Variants in FBN2 observed in about 807,000 individuals in gnomAD.
The protein encoded by FBN2 is fibrillin 2.
In FBN2, 105 loss-of-function variants were observed where a neutral mutation model predicts 355.6. That is an observed-to-expected ratio of 0.30 (90% CI 0.25 to 0.35). The LOEUF is 0.35. Among genes scored for constraint, FBN2 ranks in the 10% least tolerant of loss-of-function variants. The probability of loss-of-function intolerance (pLI) is 1.00; values close to 1 mark genes in which losing one functional copy is unlikely to be tolerated. For synonymous variants in FBN2, 1,350 were observed against 1,301.2 expected (o/e 1.04, Z -0.81); for missense variants, 3,280 against 3,758.7 (o/e 0.87, Z 3.33).
chr5:128,442,324 A>T (rs1331247120), intron 7 of FBN2: 1 of 456,556 alleles, frequency 2.2e-6, no homozygotes, highest in Non-Finnish European at 4.4e-6. Context: ...TCTGGAAGGG[A>T]GGATCACGCA....
At chr5:128,319,053 T>C (rs758946615) in intron 34 of FBN2, 52 bp from the exon 35 acceptor site, 25 of 1,421,652 alleles carry the variant, frequency 1.8e-5, no homozygotes, top group Non-Finnish European at 1.2e-5. Context: ...ATTTTAAAAT[T>C]TTAATGTAAT....
chr5:128,529,053 C>G (rs1350862019), intron 3 of FBN2, among the ~76,000 whole-genome samples: 1 of 152,222 alleles, frequency 6.6e-6, no homozygotes, highest in African/African-American at 2.4e-5. Context: ...CTGTGTGGTT[C>G]AAGTAGCCTG....
chr5:128,491,776 T>C (rs888472132), intron 5 of FBN2, among the ~76,000 whole-genome samples: 1 of 152,240 alleles, frequency 6.6e-6, no homozygotes, highest in Non-Finnish European at 1.5e-5. Flanking sequence ...TAAAATTGAA[T>C]GGCCAATCTT....
intron 5 of FBN2, among the ~76,000 whole-genome samples, chr5:128,473,846 G>A (rs1754940134): frequency 6.6e-6 from 1 of 152,188 alleles, no homozygotes. Context: ...TTTCGTTTCT[G>A]CAAATAAATG....
intron 17 of FBN2, among the ~76,000 whole-genome samples, chr5:128,365,787 T>A (rs1415973414): frequency 6.6e-6 from 1 of 151,336 alleles, no homozygotes; most frequent in African/African-American, 2.4e-5. Context: ...TATAAAAGAA[T>A]CTGAAAATTA....
chr5:128,397,312 A>T (rs1000573969), intron 8 of FBN2, among the ~76,000 whole-genome samples: 6 of 152,230 alleles, frequency 3.9e-5, no homozygotes, highest in African/African-American at 1.2e-4. Flanking sequence ...AAATTAAAAT[A>T]AGAAAGTTCC....
At chr5:128,333,854 C>CACACAT (rs1480410027) in intron 31 of FBN2, among the ~76,000 whole-genome samples, 2 of 119,108 alleles carry the variant, frequency 1.7e-5, no homozygotes, top group Non-Finnish European at 3.5e-5. Context: ...CACACACACA[C>CACACAT]ACACACACAC....
chr5:128,362,222 G>A (rs1205129382), intron 18 of FBN2, among the ~76,000 whole-genome samples: 1 of 152,118 alleles, frequency 6.6e-6, no homozygotes, highest in Non-Finnish European at 1.5e-5. Flanking sequence ...TATAATAAAA[G>A]TAACAGAAGG....
At chr5:128,344,061 T>A (rs112691940) in intron 25 of FBN2, among the ~76,000 whole-genome samples, 23 of 152,128 alleles carry the variant, frequency 1.5e-4, no homozygotes, top group African/African-American at 5.5e-4. Flanking sequence ...TGAGACCCCA[T>A]CTCTTAAAAT....
intron 62 of FBN2, among the ~76,000 whole-genome samples, chr5:128,266,267 G>A (rs1765111857): frequency 6.6e-6 from 1 of 152,158 alleles, no homozygotes; most frequent in Non-Finnish European, 1.5e-5. Flanking sequence ...TCGTACCCAG[G>A]CACCTGCTGC....
chr5:128,278,779 T>G lies in FBN2; in HGVS notation c.7201A>C (p.Ser2401Arg), dbSNP rs777558947. The change falls in exon 57 of 65, where the codon AGT (serine) becomes CGT (arginine). Residue 2401 changes from serine to arginine, a missense_variant. By Grantham distance (110) the Ser-to-Arg change is moderately radical (BLOSUM62 -1). Transcript: ENST00000262464. ...TCTGACTTAGTGACGAGATTGCGACTACTGGATGCCATTTGACATATTGTC... is the reference window on the plus strand; with the variant it reads ...TCTGACTTAGTGACGAGATTGCGACGACTGGATGCCATTTGACATATTGTC... ...LQTICQMASSSRNLVTKSECC... is the reference protein window; with the variant it reads ...LQTICQMASSRRNLVTKSECC... 9 of 1,614,026 alleles carry G rather than the reference T, an allele frequency of 5.6e-6. No individual in the cohort carries two copies. The highest frequency in any genetic ancestry group is 7.6e-6 in the Non-Finnish European group (9 of 1,180,026).
At position 128,474,942 on chromosome 5, in the gene FBN2, G is replaced by A. The variant is rs1455505887; in HGVS notation, c.629-10021C>T. ...CATTAGACCGTAGGACATTCTAAGA[G>A]GACACAGGTAGCATCTATCAATAAA... is the stretch of plus-strand genomic sequence containing the variant. On this transcript the variant is annotated intron_variant, in intron 5 of 64. Transcript: ENST00000262464. 3.3e-5 allele frequency among the ~76,000 whole-genome samples: 5 copies of A among 152,174 alleles called. No individual in the cohort carries two copies. The East Asian group carries it at 5.8e-4, about 18-fold the overall frequency.
At chr5:128,492,735 A>G (rs56049336) in intron 5 of FBN2, among the ~76,000 whole-genome samples, 48,900 of 145,860 alleles carry the variant, frequency 0.34, 12,842 homozygotes, top group African/African-American at 0.74. Context: ...CCTGGGAGGC[A>G]GAGGCTGTGG....
At chr5:128,358,260 T>C (rs527504541) in intron 19 of FBN2, among the ~76,000 whole-genome samples, 239 of 152,236 alleles carry the variant, frequency 1.6e-3, no homozygotes, top group Middle Eastern at 6.8e-3. Context: ...ATTTTCAGTA[T>C]AAATTCAACC....
intron 7 of FBN2, among the ~76,000 whole-genome samples, chr5:128,443,024 G>A (rs963324646): frequency 1.2e-4 from 19 of 152,038 alleles, no homozygotes; most frequent in Admixed American, 1.0e-3. Flanking sequence ...TGATTTTTTG[G>A]CAGAATAAGC....
intron 5 of FBN2, among the ~76,000 whole-genome samples, chr5:128,477,914 G>A (rs1192922764): frequency 1.3e-5 from 2 of 152,074 alleles, no homozygotes; most frequent in African/African-American, 4.8e-5. Flanking sequence ...GACTGTAACC[G>A]TTTTATTCAG....
At chr5:128,404,419 T>C (rs751184610) in intron 8 of FBN2, among the ~76,000 whole-genome samples, 7 of 152,200 alleles carry the variant, frequency 4.6e-5, no homozygotes, top group Non-Finnish European at 8.8e-5. Flanking sequence ...ATGTTGATAG[T>C]GAAATGAATG....
chr5:128,350,747 T>C (rs1402592019), intron 21 of FBN2, 121 bp downstream of exon 21: 6 of 1,171,400 alleles, frequency 5.1e-6, no homozygotes, highest in Non-Finnish European at 7.5e-6. Context: ...AAAGATAACA[T>C]TTTAGCAAAA....
chr5:128,385,675 G>A (rs1469889751), intron 11 of FBN2, among the ~76,000 whole-genome samples: 1 of 152,086 alleles, frequency 6.6e-6, no homozygotes, highest in African/African-American at 2.4e-5. Context: ...ACCAGCAGTG[G>A]ATAAGCATTC....
Sources: allele counts gnomAD v4.1 joint callset (sites outside exome capture counted in the v4.1 genomes callset), GRCh38; gene constraint gnomAD v4.1.1; transcripts MANE v1.5; gene names NCBI Gene and HGNC (gene_info 2026-07-23, HGNC 2026-07-21).